The following HEPH variants were observed in gnomAD, a reference collection of about 807,000 sequenced individuals.
The protein encoded by HEPH is hephaestin.
Under a neutral mutation model 80.8 loss-of-function variants are expected in HEPH, and 69 were observed. The ratio of observed to expected loss-of-function variants is 0.85; its 90% CI spans 0.70 to 1.04. The LOEUF (loss-of-function observed/expected upper bound fraction) is 1.04, where lower values mean the gene tolerates loss of function less well. Among genes scored for constraint, HEPH ranks in the 50% least tolerant of loss-of-function variants. HEPH has a pLI of 0.00. For synonymous variants in HEPH, 431 were observed against 322.8 expected (o/e 1.34, Z -3.60); for missense variants, 1,115 against 891.3 (o/e 1.25, Z -3.20).
rs374025542 is a variant in HEPH, at chrX:66,199,147, C to A, written c.1864+119C>A. On this transcript the variant is annotated intron_variant, in intron 11 of 20. Transcript: ENST00000343002. ...TTATTGGTCATCTCTGTCCAAGAGG[C>A]GAGCTAGATTGAGAGGCTCAACCGA... is the stretch of plus-strand genomic sequence containing the variant. 98 of 718,040 alleles carry A rather than the reference C, an allele frequency of 1.4e-4. 1 individual carries two copies. The South Asian group carries it at 2.2e-3, about 16-fold the overall frequency. The allele number at this position is 718,040 out of a possible 1,213,427, so 59.2% of individuals were successfully genotyped here.
At chrX:66,249,418 A>G (rs1323567135) in intron 15 of HEPH, among the ~76,000 whole-genome samples, 1 of 111,901 alleles carries the variant, frequency 8.9e-6, no homozygotes, top group South Asian at 3.7e-4. Flanking sequence ...ATTCTGTGAA[A>G]TTTGAGTTGA....
chrX:66,264,782 CA>C (rs2091478627), intron 20 of HEPH, among the ~76,000 whole-genome samples: 1 of 104,107 alleles, frequency 9.6e-6, no homozygotes, highest in Non-Finnish European at 1.9e-5. Flanking sequence ...TCAACCTGAG[CA>C]ACTAAATTAT....
chrX:66,196,099 T>A (rs1485872926), intron 9 of HEPH, among the ~76,000 whole-genome samples: 1 of 111,291 alleles, frequency 9.0e-6, no homozygotes. Flanking sequence ...AAAATAGCTT[T>A]AGGAGACATT....
At chrX:66,249,934 A>G (rs1291474792) in intron 15 of HEPH, among the ~76,000 whole-genome samples, 4 of 111,566 alleles carry the variant, frequency 3.6e-5, no homozygotes, top group Admixed American at 2.9e-4. Context: ...GAATAGAGTA[A>G]CAGGCAAGAA....
chrX:66,250,495 G>T (rs1438308224), intron 15 of HEPH, among the ~76,000 whole-genome samples: 2 of 111,470 alleles, frequency 1.8e-5, no homozygotes, highest in African/African-American at 3.3e-5. Flanking sequence ...AATTAGAGCA[G>T]TTACTTTCTT....
chrX:66,179,101 T>C (rs1027548034), intron 4 of HEPH, among the ~76,000 whole-genome samples: 4 of 111,926 alleles, frequency 3.6e-5, no homozygotes, highest in Non-Finnish European at 5.6e-5. Context: ...AGTCTTTAAT[T>C]CATCTTGAAT....
intron 19 of HEPH, among the ~76,000 whole-genome samples, chrX:66,262,993 G>A (rs947790397): frequency 9.0e-6 from 1 of 110,900 alleles, no homozygotes; most frequent in Non-Finnish European, 1.9e-5. Flanking sequence ...GAAACTGTGA[G>A]GCTTGAGTAT....
chrX:66,194,337 G>A (rs1032606833), intron 8 of HEPH, among the ~76,000 whole-genome samples: 1 of 111,812 alleles, frequency 8.9e-6, no homozygotes, highest in Non-Finnish European at 1.9e-5. Context: ...AGAGATGGTG[G>A]TGAGCCTGAA....
At chrX:66,200,141 T>C (rs1334416164) in intron 11 of HEPH, among the ~76,000 whole-genome samples, 2 of 109,706 alleles carry the variant, frequency 1.8e-5, no homozygotes, top group African/African-American at 3.3e-5. Flanking sequence ...GAGATCTATA[T>C]GGAAAAGGAA....
At chrX:66,216,738 A>G (rs1266410328) in intron 15 of HEPH, among the ~76,000 whole-genome samples, 1 of 112,409 alleles carries the variant, frequency 8.9e-6, no homozygotes, top group Non-Finnish European at 1.9e-5. Context: ...AATGGCCAGA[A>G]GAAAAAATCA....
At chrX:66,265,775 A>G (rs1313231142) in intron 20 of HEPH, among the ~76,000 whole-genome samples, 3 of 111,862 alleles carry the variant, frequency 2.7e-5, no homozygotes, top group Admixed American at 9.5e-5. Context: ...ATGTGTTGCT[A>G]TGGCTGAAAA....
In HEPH at chrX:66,193,613, G is replaced by A. The variant is rs1354207308; in HGVS notation, c.1344G>A (p.Glu448=). 1 of 1,190,232 alleles carries A rather than the reference G, an allele frequency of 8.4e-7. No homozygotes were observed. The highest frequency in any genetic ancestry group is 1.7e-5 in the African/African-American group (1 of 57,204). The change falls in exon 8 of 21, where the codon GAG becomes GAA. Residue 448 remains glutamate (E), a synonymous_variant. Transcript: ENST00000343002. ...CATTCCAAGAGAAGATGCATTTGGA[G>A]GAAGATAGGCATCTTGGAATCCTGG... ...DETFQEKMHL[E]EDRHLGILGP... is the part of the protein sequence containing the mutation.
chrX:66,256,400 C>T, intron 17 of HEPH, 70 bp downstream of exon 17: 2 of 733,608 alleles, frequency 2.7e-6, no homozygotes, highest in Non-Finnish European at 4.1e-6. Context: ...TTTAATAGGC[C>T]TATTGCTACC....
intron 6 of HEPH, 119 bp from the exon 7 acceptor site, chrX:66,192,011 G>A (rs957628550): frequency 4.4e-6 from 3 of 679,876 alleles, no homozygotes; most frequent in Non-Finnish European, 6.5e-6. Context: ...TTTTGGAGCA[G>A]GAGTAAAGAG....
chrX:66,242,321 G>T (rs1215570025), intron 15 of HEPH, among the ~76,000 whole-genome samples: 1 of 111,680 alleles, frequency 9.0e-6, no homozygotes, highest in African/African-American at 3.2e-5. Flanking sequence ...GCAATATGCA[G>T]AAGATTGAAA....
chrX:66,226,833 A>G (rs2089912676), intron 15 of HEPH, among the ~76,000 whole-genome samples: 1 of 111,866 alleles, frequency 8.9e-6, no homozygotes, highest in South Asian at 3.8e-4. Context: ...CCCAGGGTAC[A>G]CAGCTGAATT....
chrX:66,268,045 G>C (rs1446826748), downstream of HEPH: 3 of 111,809 alleles, frequency 2.7e-5, no homozygotes, highest in African/African-American at 9.8e-5. Context: ...TTTTACATTT[G>C]AGTAATGTTA....
At chrX:66,257,358 G>A (rs184695965) in intron 17 of HEPH, among the ~76,000 whole-genome samples, 3 of 111,868 alleles carry the variant, frequency 2.7e-5, no homozygotes, top group South Asian at 7.5e-4. Context: ...GATCGAGCAG[G>A]TATTTGTTAA....
intron 15 of HEPH, among the ~76,000 whole-genome samples, chrX:66,238,822 A>G (rs1321491496): frequency 8.9e-6 from 1 of 112,441 alleles, no homozygotes; most frequent in Non-Finnish European, 1.9e-5. Context: ...CAAGCCAGTC[A>G]TTAGCATTGT....
Sources: allele counts gnomAD v4.1 joint callset (sites outside exome capture counted in the v4.1 genomes callset), GRCh38; gene constraint gnomAD v4.1.1; transcripts MANE v1.5; gene names NCBI Gene and HGNC (gene_info 2026-07-23, HGNC 2026-07-21).